The following MED13 variants were observed in gnomAD, a reference collection of about 807,000 sequenced individuals.
MED13 encodes the protein mediator of RNA polymerase II transcription subunit 13.
A neutral mutation model predicts 225.2 loss-of-function variants in MED13; 23 were observed. That is an observed-to-expected ratio of 0.10 (90% CI 0.07 to 0.14). The LOEUF is 0.14. MED13 is among the 10% of genes least tolerant of loss of function. The pLI is 1.00. For missense variants in MED13, 2,197 were observed against 2,594.5 expected, an observed-to-expected ratio of 0.85 and a Z score of 3.33; for synonymous variants, 942 against 889.2, an observed-to-expected ratio of 1.06 and a Z score of -1.06.
intron 9 of MED13, among the ~76,000 whole-genome samples, chr17:62,000,636 G>C (rs1015498715): frequency 6.6e-6 from 1 of 152,132 alleles, no homozygotes; most frequent in Non-Finnish European, 1.5e-5. Context: ...TCTACATACA[G>C]AGCTTCTCAT....
intron 1 of MED13, among the ~76,000 whole-genome samples, chr17:62,064,892 C>G (rs867869097): frequency 6.6e-6 from 1 of 152,194 alleles, no homozygotes; most frequent in Non-Finnish European, 1.5e-5. Context: ...GAGGACGAGA[C>G]TACGGTGAGA....
At chr17:61,970,807 T>C (rs1200050807) in intron 17 of MED13, among the ~76,000 whole-genome samples, 1 of 143,694 alleles carries the variant, frequency 7.0e-6, no homozygotes, top group East Asian at 2.1e-4. Context: ...GGCAGATCAC[T>C]AGGGCCCAGG....
intron 20 of MED13, among the ~76,000 whole-genome samples, chr17:61,964,058 A>T (rs1263485710): frequency 6.6e-6 from 1 of 152,226 alleles, no homozygotes; most frequent in African/African-American, 2.4e-5. Context: ...AAACCTCAGT[A>T]CAACTCTAAA....
chr17:61,972,066 A>G (rs1050143798), intron 17 of MED13, among the ~76,000 whole-genome samples: 2 of 152,266 alleles, frequency 1.3e-5, no homozygotes, highest in African/African-American at 4.8e-5. Flanking sequence ...AGGAAAATAT[A>G]GGCAAATCTA....
intron 8 of MED13, among the ~76,000 whole-genome samples, chr17:62,022,706 A>T (rs1347479696): frequency 6.6e-6 from 1 of 152,140 alleles, no homozygotes; most frequent in Non-Finnish European, 1.5e-5. Context: ...GTGAAAAATA[A>T]ATCAGAATAA....
rs369747650 is a variant in MED13, at chr17:62,060,520, T to A, written c.301+2547A>T. The stretch of plus-strand genomic sequence containing the variant: ...CTGTAGTCCCAGGTACTCAGGAGGC[T>A]GAGGTAGTAGGAGTATGGCATGAAC... On this transcript the variant is annotated intron_variant, in intron 2 of 29. Coordinates refer to ENST00000397786, the MANE Select transcript of MED13 (RefSeq NM_005121.3). 4.0e-5 allele frequency among the ~76,000 whole-genome samples: 6 copies of A among 150,274 alleles called. No homozygotes were observed. In the East Asian group the frequency reaches 1.2e-3, roughly 31 times the overall value.
chr17:61,984,248 A>G lies in MED13; in HGVS notation c.2811T>C (p.Cys937=), dbSNP rs1426002257. The part of the protein sequence containing the change: ...YLPPIKLPEE[C]IYRQSWTVGK... ...CAACAGTCCAACTCTGACGGTAAATACACTCTTCTGGCAATTTGATAGGGG... is the reference window on the plus strand; with the variant it reads ...CAACAGTCCAACTCTGACGGTAAATGCACTCTTCTGGCAATTTGATAGGGG... The change falls in exon 15 of 30, where the codon TGT becomes TGC. Residue 937 remains cysteine (C), a synonymous_variant. Transcript: ENST00000397786. 2.5e-6 allele frequency: 4 copies of G among 1,611,608 alleles called. No individual in the cohort carries two copies. Among genetic ancestry groups the G allele is most frequent in the Admixed American group, 3.4e-5 (2 of 59,392 alleles).
chr17:61,988,467 T>C (rs963732507), intron 11 of MED13, among the ~76,000 whole-genome samples: 1 of 152,248 alleles, frequency 6.6e-6, no homozygotes, highest in Non-Finnish European at 1.5e-5. Flanking sequence ...TAAAAGTCAC[T>C]TCCCCAGTGT....
intron 9 of MED13, among the ~76,000 whole-genome samples, chr17:62,001,056 C>G (rs1019307601): frequency 7.9e-5 from 12 of 152,128 alleles, no homozygotes; most frequent in African/African-American, 2.7e-4. Flanking sequence ...GTCACTGCGC[C>G]CAGCCTAGGT....
intron 7 of MED13, 91 bp downstream of exon 7, chr17:62,029,760 T>C: frequency 5.3e-6 from 8 of 1,511,746 alleles, no homozygotes; most frequent in Non-Finnish European, 6.3e-6. Flanking sequence ...TAAAGAAAAA[T>C]CAAACAAATG....
At chr17:62,039,314 G>A (rs1471093259) in intron 3 of MED13, among the ~76,000 whole-genome samples, 2 of 152,078 alleles carry the variant, frequency 1.3e-5, no homozygotes, top group African/African-American at 4.8e-5. Flanking sequence ...CAAGTTTCTT[G>A]CTCTGTTGCC....
chr17:62,048,119 G>A (rs2080918981), intron 3 of MED13, among the ~76,000 whole-genome samples: 1 of 147,792 alleles, frequency 6.8e-6, no homozygotes, highest in Non-Finnish European at 1.5e-5. Context: ...ACTGAAAAGA[G>A]AAGGGGCTGG....
chr17:61,968,288 C>T, intron 17 of MED13, 30 bp from the exon 18 acceptor site: 1 of 1,429,678 alleles, frequency 7.0e-7, no homozygotes, highest in Non-Finnish European at 9.6e-7. Flanking sequence ...TTTAAGAAAA[C>T]ACTTAAAAAC....
At chr17:62,006,035 G>A (rs1252974344) in intron 9 of MED13, 2 of 152,106 alleles carry the variant, frequency 1.3e-5, no homozygotes, top group Non-Finnish European at 2.9e-5. Flanking sequence ...TGAGAGAGAG[G>A]CTATAAATGG....
chr17:61,986,732 G>A (rs1471866623), intron 12 of MED13, among the ~76,000 whole-genome samples: 1 of 152,014 alleles, frequency 6.6e-6, no homozygotes, highest in Non-Finnish European at 1.5e-5. Flanking sequence ...CTACAAAACA[G>A]AACATACGGC....
At chr17:61,972,486 G>A (rs1404549588) in intron 17 of MED13, among the ~76,000 whole-genome samples, 4 of 151,984 alleles carry the variant, frequency 2.6e-5, no homozygotes, top group African/African-American at 2.4e-5. Context: ...AAATCTTGAG[G>A]GAAAGCCCCC....
intron 26 of MED13, among the ~76,000 whole-genome samples, chr17:61,955,049 C>A (rs1175289278): frequency 6.6e-6 from 1 of 152,160 alleles, no homozygotes; most frequent in Non-Finnish European, 1.5e-5. Context: ...GAACTATATT[C>A]TTTGGCTCAT....
At chr17:62,052,416 C>G (rs1052645686) in intron 3 of MED13, 121 bp downstream of exon 3, 63 of 633,774 alleles carry the variant, frequency 9.9e-5, no homozygotes, top group Non-Finnish European at 6.9e-5. Flanking sequence ...ATCTAGTACT[C>G]TGTCACTGAC....
chr17:61,977,261 G>T (rs1485612776), intron 16 of MED13, among the ~76,000 whole-genome samples: 1 of 152,130 alleles, frequency 6.6e-6, no homozygotes, highest in Non-Finnish European at 1.5e-5. Context: ...AGAAGGGTTT[G>T]CATTTTTATA....
Sources: allele counts gnomAD v4.1 joint callset (sites outside exome capture counted in the v4.1 genomes callset), GRCh38; gene constraint gnomAD v4.1.1; transcripts MANE v1.5; gene names NCBI Gene and HGNC (gene_info 2026-07-23, HGNC 2026-07-21).